GNAI1: variants seen among roughly 807,000 people sequenced by gnomAD.
The protein encoded by GNAI1 is G protein subunit alpha i1.
A neutral mutation model predicts 38.9 loss-of-function variants in GNAI1; 11 were observed. That is an observed-to-expected ratio of 0.28 (90% CI 0.18 to 0.47). The LOEUF is 0.47. GNAI1 is among the 20% of genes least tolerant of loss of function. GNAI1 has a pLI of 0.99. For synonymous variants in GNAI1, 166 were observed against 145.1 expected, an observed-to-expected ratio of 1.14 and a Z score of -1.04; for missense variants, 317 against 436.9, an observed-to-expected ratio of 0.73 and a Z score of 2.45.
At chr7:80,192,747 G>A (rs1788504151) in intron 3 of GNAI1, among the ~76,000 whole-genome samples, 1 of 152,032 alleles carries the variant, frequency 6.6e-6, no homozygotes. Flanking sequence ...CCAGGCTTCA[G>A]TGCAGGAGCA....
At position 80,223,551 on chromosome 7, in the gene GNAI1, C is replaced by G. The variant is rs1399791763; in HGVS notation, c.*6058C>G. Among the ~76,000 whole-genome samples the G allele has an allele frequency of 6.6e-6, 1 of 152,172 alleles. No individual in the cohort carries two copies. Among genetic ancestry groups the G allele is most frequent in the African/African-American group, 2.4e-5 (1 of 41,446 alleles). On this transcript the variant is annotated 3_prime_UTR_variant, in exon 8 of 8. Coordinates refer to ENST00000649796, the MANE Select transcript of GNAI1 (RefSeq NM_002069.6). ...GAGTAAAGTTAAGTCAAAGCTACTT[C>G]TAAACAGCTCTATCTTTAATTTCTA... is the stretch of plus-strand genomic sequence containing the variant.
chr7:80,223,830 T>C lies in GNAI1; in HGVS notation c.*6337T>C, dbSNP rs1003997359. ...GACTTGAGCATACGTTTAAACCATT[T>C]AACCATTCTTGAATTTCTTAACATA... On this transcript the variant is annotated 3_prime_UTR_variant, in exon 8 of 8. Transcript: ENST00000649796. Among the ~76,000 whole-genome samples the C allele has an allele frequency of 6.6e-6, 1 of 152,234 alleles. No homozygotes were observed. Among genetic ancestry groups the C allele is most frequent in the Admixed American group, 6.5e-5 (1 of 15,288 alleles).
intron 5 of GNAI1, among the ~76,000 whole-genome samples, chr7:80,204,717 TCAAA>T (rs918361867): frequency 1.1e-4 from 16 of 152,282 alleles, no homozygotes; most frequent in African/African-American, 3.8e-4. Flanking sequence ...CATTGTTCAC[TCAAA>T]CAAAATTACC....
chr7:80,144,025 T>A (rs748640562), intron 1 of GNAI1, among the ~76,000 whole-genome samples: 2 of 152,066 alleles, frequency 1.3e-5, no homozygotes, highest in Non-Finnish European at 2.9e-5. Context: ...TAGTTTCTAA[T>A]CCCACCGTAA....
At chr7:80,156,069 A>C (rs543927038) in intron 1 of GNAI1, among the ~76,000 whole-genome samples, 37 of 151,208 alleles carry the variant, frequency 2.4e-4, no homozygotes, top group African/African-American at 6.1e-4. Flanking sequence ...AAAAAGAAAG[A>C]AAGCAAGCTG....
intron 1 of GNAI1, among the ~76,000 whole-genome samples, chr7:80,146,280 C>T (rs1787621732): frequency 6.6e-6 from 1 of 152,162 alleles, no homozygotes; most frequent in Non-Finnish European, 1.5e-5. Flanking sequence ...CCCAAGCTTG[C>T]AGGCTCTGCC....
intron 1 of GNAI1, among the ~76,000 whole-genome samples, chr7:80,151,170 A>G (rs1423492465): frequency 1.3e-5 from 2 of 152,160 alleles, no homozygotes; most frequent in African/African-American, 4.8e-5. Flanking sequence ...TTCCTCTTTC[A>G]GGGAGTGCCC....
intron 1 of GNAI1, among the ~76,000 whole-genome samples, chr7:80,180,566 A>G (rs565459850): frequency 1.2e-4 from 19 of 152,288 alleles, no homozygotes; most frequent in Non-Finnish European, 2.4e-4. Flanking sequence ...CAGATGCCTC[A>G]TTAACCTCCT....
Position 80,195,395 on chromosome 7 carries a change from C to CTA in GNAI1, c.304-3830_304-3829insTA, listed in dbSNP as rs1788550990. Among the ~76,000 whole-genome samples the CTA allele has an allele frequency of 2.6e-5, 4 of 151,704 alleles. No individual in the cohort carries two copies. The East Asian group carries it at 7.7e-4, about 29-fold the overall frequency. Reference sequence around the variant, plus strand: ...AAAAAAGAAAAATGACTTCCTATTTCATTTCCTCAAGACATTTTTACTTTG... The same window carrying CTA: ...AAAAAAGAAAAATGACTTCCTATTTCTAATTTCCTCAAGACATTTTTACTTTG... On this transcript the variant is annotated intron_variant, in intron 3 of 7. Coordinates refer to ENST00000649796, the MANE Select transcript of GNAI1 (RefSeq NM_002069.6).
intron 1 of GNAI1, chr7:80,136,003 C>G: frequency 1.0e-6 from 1 of 985,262 alleles, no homozygotes; most frequent in Non-Finnish European, 1.2e-6. Context: ...TGTGAAAGAG[C>G]GAGAGGGTCA....
At chr7:80,202,831 C>T (rs1311829688) in intron 4 of GNAI1, among the ~76,000 whole-genome samples, 1 of 152,166 alleles carries the variant, frequency 6.6e-6, no homozygotes, top group African/African-American at 2.4e-5. Flanking sequence ...AGTGGCTTTA[C>T]TTTCCAAGAA....
chr7:80,173,845 G>T (rs1378777605), intron 1 of GNAI1, among the ~76,000 whole-genome samples: 1 of 152,054 alleles, frequency 6.6e-6, no homozygotes, highest in East Asian at 1.9e-4. Flanking sequence ...CGCTATATTG[G>T]TCCATGTAAC....
At position 80,217,999 on chromosome 7, in the gene GNAI1, T is replaced by C. The variant is rs9244; in HGVS notation, c.*506T>C. On this transcript the variant is annotated 3_prime_UTR_variant, in exon 8 of 8. Coordinates refer to ENST00000649796, the MANE Select transcript of GNAI1 (RefSeq NM_002069.6). ...GAAACATTACAGCCCTTATCTAGAT[T>C]ATATGTATACTTGTATTAATAAAAA... 0.067 allele frequency: 10,177 copies of C among 152,598 alleles called. 419 individuals carry two copies. Among genetic ancestry groups the C allele is most frequent in the Non-Finnish European group, 0.095 (6,484 of 67,962 alleles). The allele number at this position is 152,598 out of a possible 1,614,324, so 9.5% of individuals were successfully genotyped here. A position where few individuals can be genotyped will look rare whatever the true frequency, so the allele number is the denominator to read the frequency against.
In GNAI1 at chr7:80,217,600, T is replaced by C. The variant is rs1584059566; in HGVS notation, c.*107T>C. On this transcript the variant is annotated 3_prime_UTR_variant, in exon 8 of 8. Coordinates refer to ENST00000649796, the MANE Select transcript of GNAI1 (RefSeq NM_002069.6). ...AACACAGAATGTAATATAAGGCAAA[T>C]GCATCTGGGACTTGACCAAAGTTGT... The C allele has an allele frequency of 3.4e-6, 2 of 580,248 alleles. No individual in the cohort carries two copies. The highest frequency in any genetic ancestry group is 6.2e-5 in the East Asian group (2 of 32,432). The allele number at this position is 580,248 out of a possible 1,614,324, so 35.9% of individuals were successfully genotyped here.
chr7:80,191,671 C>A (rs1475659595), intron 3 of GNAI1, among the ~76,000 whole-genome samples: 2 of 152,108 alleles, frequency 1.3e-5, no homozygotes, highest in African/African-American at 4.8e-5. Context: ...GGATTACAAG[C>A]GTGAGCCACC....
At chr7:80,163,083 C>T (rs1312989720) in intron 1 of GNAI1, among the ~76,000 whole-genome samples, 1 of 152,004 alleles carries the variant, frequency 6.6e-6, no homozygotes, top group African/African-American at 2.4e-5. Flanking sequence ...AGGCTGACAC[C>T]CCTGGGTTTC....
At chr7:80,191,854 C>T (rs1287088209) in intron 3 of GNAI1, among the ~76,000 whole-genome samples, 2 of 152,200 alleles carry the variant, frequency 1.3e-5, no homozygotes, top group Non-Finnish European at 2.9e-5. Flanking sequence ...TCATAAGTGT[C>T]TGTTTTACCA....
chr7:80,141,082 C>T (rs1055426162), intron 1 of GNAI1, among the ~76,000 whole-genome samples: 1 of 152,272 alleles, frequency 6.6e-6, no homozygotes, highest in Non-Finnish European at 1.5e-5. Flanking sequence ...GTTAATAGTC[C>T]CATCTCAAGA....
chr7:80,194,798 A>G (rs2366255), intron 3 of GNAI1, among the ~76,000 whole-genome samples: 116,819 of 151,854 alleles, frequency 0.77, 45,112 homozygotes, highest in East Asian at 0.92. Flanking sequence ...ATCTGCCTTC[A>G]TAGTAGACTG....
Sources: gnomAD v4.1 joint callset for allele counts (sites outside exome capture counted in the v4.1 genomes callset) on GRCh38, gnomAD v4.1.1 for gene constraint, MANE v1.5 for transcripts, NCBI Gene and HGNC (gene_info 2026-07-23, HGNC 2026-07-21) for gene names.